AKR1C1: variants seen among roughly 807,000 people sequenced by gnomAD.
AKR1C1 encodes the protein 20 alpha-hydroxysteroid dehydrogenase.
Under a neutral mutation model 40.6 loss-of-function variants are expected in AKR1C1, and 32 were observed. The ratio of observed to expected loss-of-function variants is 0.79; its 90% confidence interval spans 0.60 to 1.06. The LOEUF is 1.06. AKR1C1 is among the 50% of genes least tolerant of loss of function. The pLI, the probability that AKR1C1 is intolerant of heterozygous loss-of-function variation, is 0.00. For synonymous variants in AKR1C1, 105 were observed against 134.2 expected (o/e 0.78, Z 1.50); for missense variants, 320 against 363.5 (o/e 0.88, Z 0.97).
intron 5 of AKR1C1, chr10:4,969,576 C>G: frequency 7.3e-7 from 1 of 1,366,398 alleles, no homozygotes; most frequent in Non-Finnish European, 1.0e-6. Flanking sequence ...ATGGAGCTGA[C>G]CTATGACTGC....
chr10:4,972,977 G>A (rs1340250620), intron 7 of AKR1C1, among the ~76,000 whole-genome samples: 1 of 152,300 alleles, frequency 6.6e-6, no homozygotes, highest in Admixed American at 6.5e-5. Flanking sequence ...TTAGCGTTAA[G>A]TCAGTGATAT....
At position 4,979,600 on chromosome 10, in the gene AKR1C1, T is replaced by C. The variant is rs533783268; in HGVS notation, c.*1858T>C. Reference sequence around the variant, plus strand: ...TAAGCAAACTTTCATATTTCAAATCTCTTTAGCAAGTGTAACTCTTTTTTC... The same window carrying C: ...TAAGCAAACTTTCATATTTCAAATCCCTTTAGCAAGTGTAACTCTTTTTTC... On this transcript the variant is annotated 3_prime_UTR_variant, in exon 9 of 9. Coordinates refer to ENST00000380872, the MANE Select transcript of AKR1C1 (RefSeq NM_001353.6). The C allele has an allele frequency of 1.7e-3, 266 of 152,316 alleles. 1 individual carries two copies. The highest frequency in any genetic ancestry group is 6.8e-3 in the Middle Eastern group (2 of 294). The allele number at this position is 152,316 out of a possible 1,614,324, so 9.4% of individuals were successfully genotyped here. A position where few individuals can be genotyped will look rare whatever the true frequency, so the allele number is the denominator to read the frequency against.
At chr10:4,969,314 A>T (rs1808672662) in intron 5 of AKR1C1, among the ~76,000 whole-genome samples, 1 of 152,236 alleles carries the variant, frequency 6.6e-6, no homozygotes, top group African/African-American at 2.4e-5. Context: ...AGCCGTGAAG[A>T]GATGGAATGA....
At position 4,965,946 on chromosome 10, in the gene AKR1C1, AT is replaced by A; in HGVS notation, c.119del (p.Leu40TrpfsTer35). 1 of 1,614,198 alleles carries A rather than the reference AT, an allele frequency of 6.2e-7. No individual in the cohort carries two copies. Among genetic ancestry groups the A allele is most frequent in the Non-Finnish European group, 8.5e-7 (1 of 1,180,020 alleles). ...AAAGTAAAGCTTTAGAGGCCACCAA[AT>A]TGGCAATTGAAGCTGGCTTCCGCCA... ...PKSKALEATK[L>X]AIEAGFRHID... On this transcript the variant is annotated frameshift_variant, in exon 2 of 9. Transcript: ENST00000380872. LOFTEE classifies it high-confidence loss of function.
chr10:4,981,690 G>C lies in AKR1C1; in HGVS notation c.*3948G>C, dbSNP rs1157552374. ...TTCTGAGGGGAGAGAGTTCACTCCAGAGCATACATCCCCACTGGGGATCTG... is the reference window on the plus strand; with the variant it reads ...TTCTGAGGGGAGAGAGTTCACTCCACAGCATACATCCCCACTGGGGATCTG... On this transcript the variant is annotated 3_prime_UTR_variant, in exon 9 of 9. Transcript: ENST00000380872. The C allele has an allele frequency of 1.3e-5, 2 of 152,252 alleles. No individual in the cohort carries two copies. Among genetic ancestry groups the C allele is most frequent in the East Asian group, 3.8e-4 (2 of 5,206 alleles). The allele number at this position is 152,252 out of a possible 1,614,324, so 9.4% of individuals were successfully genotyped here. A position where few individuals can be genotyped will look rare whatever the true frequency, so the allele number is the denominator to read the frequency against.
intron 3 of AKR1C1, chr10:4,967,643 T>C (rs574834257): frequency 1.4e-4 from 126 of 890,228 alleles, no homozygotes; most frequent in Non-Finnish European, 1.6e-4. Context: ...TTAGATATGA[T>C]AATGGGAAAT....
In AKR1C1 at chr10:4,972,262, T is replaced by C. The variant is rs1836441763; in HGVS notation, c.632T>C (p.Ile211Thr). 6 of 1,613,782 alleles carry C rather than the reference T, an allele frequency of 3.7e-6. No homozygotes were observed. Among genetic ancestry groups the C allele is most frequent in the Non-Finnish European group, 5.1e-6 (6 of 1,179,964 alleles). ...CTGGATTTCTGCAAGTCAAAAGACA[T>C]TGTTCTGGTTGCCTATAGTGCTCTG... ...KLLDFCKSKD[I>T]VLVAYSALGS... Residue 211 changes from isoleucine (I) to threonine (T), a missense_variant, in exon 6 of 9, where the codon ATT becomes ACT. Physicochemically the swap from Ile to Thr is moderately conservative, Grantham distance 89. Transcript: ENST00000380872.
At chr10:4,974,505 T>TATCACAATATATTACTGTG (rs1554770264) in intron 7 of AKR1C1, among the ~76,000 whole-genome samples, 1 of 152,098 alleles carries the variant, frequency 6.6e-6, no homozygotes, top group Non-Finnish European at 1.5e-5. Context: ...ATATTGGGAA[T>TATCACAATATATTACTGTG]ATCACAATAT....
Position 4,979,844 on chromosome 10 carries a change from G to T in AKR1C1, c.*2102G>T, listed in dbSNP as rs1836589990. ...TAATTTTCCTATTTTTTCTCTCAAA[G>T]AAATGCTGAAGGGAGGAATTCAGGT... is the stretch of plus-strand genomic sequence containing the variant. On this transcript the variant is annotated 3_prime_UTR_variant, in exon 9 of 9. Coordinates refer to ENST00000380872, the MANE Select transcript of AKR1C1 (RefSeq NM_001353.6). 1 of 151,226 alleles carries T rather than the reference G, an allele frequency of 6.6e-6. No homozygotes were observed. Among genetic ancestry groups the T allele is most frequent in the East Asian group, 1.9e-4 (1 of 5,144 alleles). The allele number at this position is 151,226 out of a possible 1,614,324, so 9.4% of individuals were successfully genotyped here. A position where few individuals can be genotyped will look rare whatever the true frequency, so the allele number is the denominator to read the frequency against.
At chr10:4,971,628 A>G (rs1410573941) in intron 5 of AKR1C1, among the ~76,000 whole-genome samples, 1 of 149,310 alleles carries the variant, frequency 6.7e-6, no homozygotes, top group Non-Finnish European at 1.5e-5. Context: ...TGAGATATCA[A>G]CATACAAATC....
intron 5 of AKR1C1, chr10:4,969,534 T>C: frequency 1.2e-6 from 1 of 803,204 alleles, no homozygotes. Context: ...TCACAGTGGA[T>C]GAAATCCACA....
At chr10:4,968,988 T>C in intron 5 of AKR1C1, 44 bp downstream of exon 5, 2 of 1,613,778 alleles carry the variant, frequency 1.2e-6, no homozygotes, top group Non-Finnish European at 1.7e-6. Context: ...TTCATGCCCC[T>C]CTTTCTGTCC....
chr10:4,982,476 A>T lies in AKR1C1; in HGVS notation c.*4734A>T, dbSNP rs1369183880. The T allele has an allele frequency of 6.5e-6, 1 of 154,242 alleles. No individual in the cohort carries two copies. The highest frequency in any genetic ancestry group is 2.4e-5 in the African/African-American group (1 of 40,972). The allele number at this position is 154,242 out of a possible 1,614,324, so 9.6% of individuals were successfully genotyped here. A position where few individuals can be genotyped will look rare whatever the true frequency, so the allele number is the denominator to read the frequency against. On this transcript the variant is annotated 3_prime_UTR_variant, in exon 9 of 9. Coordinates refer to ENST00000380872, the MANE Select transcript of AKR1C1 (RefSeq NM_001353.6). ...TCTTCTGTGCAGCAGAGGCAATTAAACTCTCCTCTGGAACATTACCCCAGC... is the reference window on the plus strand; with the variant it reads ...TCTTCTGTGCAGCAGAGGCAATTAATCTCTCCTCTGGAACATTACCCCAGC...
chr10:4,966,216 T>C (rs1836331529), intron 2 of AKR1C1, 135 bp downstream of exon 2: 29 of 1,437,822 alleles, frequency 2.0e-5, no homozygotes, highest in Non-Finnish European at 2.5e-5. Context: ...TACTCATGTA[T>C]TAAAACTAAT....
chr10:4,976,037 G>A (rs1339414734), intron 8 of AKR1C1, 104 bp downstream of exon 8: 3 of 216,250 alleles, frequency 1.4e-5, no homozygotes, highest in African/African-American at 8.9e-5. Context: ...GCCAACGTGA[G>A]ACAGAGGTGA....
Position 4,977,693 on chromosome 10 carries a change from T to C in AKR1C1, c.930-7T>C. On this transcript the variant is annotated splice_region_variant and splice_polypyrimidine_tract_variant and intron_variant, in intron 8 of 8. Transcript: ENST00000380872. ...TTCAGAGTGTGCATTTTTTTTTCTC[T>C]TTCCAGTTTTGCTGGCCCCCCTAAT... is the stretch of plus-strand genomic sequence containing the variant. The C allele has an allele frequency of 1.2e-6, 2 of 1,612,274 alleles. No homozygotes were observed.
At position 4,981,284 on chromosome 10, in the gene AKR1C1, T is replaced by G. The variant is rs1836610560; in HGVS notation, c.*3542T>G. ...ACCCTAGGATTGTTAGAATAGTAAA[T>G]GAACATCATATGTTGTAATATAGTT... On this transcript the variant is annotated 3_prime_UTR_variant, in exon 9 of 9. Coordinates refer to ENST00000380872, the MANE Select transcript of AKR1C1 (RefSeq NM_001353.6). 6.6e-6 allele frequency: 1 copy of G among 152,158 alleles called. No individual in the cohort carries two copies. Among genetic ancestry groups the G allele is most frequent in the Non-Finnish European group, 1.5e-5 (1 of 68,028 alleles). The allele number at this position is 152,158 out of a possible 1,614,324, so 9.4% of individuals were successfully genotyped here. A position where few individuals can be genotyped will look rare whatever the true frequency, so the allele number is the denominator to read the frequency against.
chr10:4,974,055 G>C (rs1427903261), intron 7 of AKR1C1, among the ~76,000 whole-genome samples: 3 of 151,276 alleles, frequency 2.0e-5, no homozygotes, highest in Non-Finnish European at 4.4e-5. Flanking sequence ...ATGATACAGA[G>C]AATGAGAAAG....
chr10:4,966,007 C>A lies in AKR1C1; in HGVS notation c.178C>A (p.Gln60Lys), dbSNP rs1406521481. The change falls in exon 2 of 9, where the codon CAG (glutamine) becomes AAG (lysine). Residue 60 changes from glutamine to lysine, a missense_variant. Around this residue, in one of 3 missense-constraint regions of AKR1C1, gnomAD observed 214 missense variants for 214.8 expected, o/e 1.00. Transcript: ENST00000380872. The stretch of plus-strand genomic sequence containing the variant: ...TGCTCATTTATACAATAATGAGGAG[C>A]AGGTTGGACTGGCCATCCGAAGCAA... ...DSAHLYNNEE[Q>K]VGLAIRSKIA... 3 of 1,614,198 alleles carry A rather than the reference C, an allele frequency of 1.9e-6. 1 individual carries two copies. The South Asian group carries it at 3.3e-5, about 18-fold the overall frequency.
Sources: allele counts gnomAD v4.1 joint callset (sites outside exome capture counted in the v4.1 genomes callset), GRCh38; gene constraint gnomAD v4.1.1; regional missense constraint gnomAD v4.1.1; transcripts MANE v1.5; gene names NCBI Gene and HGNC (gene_info 2026-07-23, HGNC 2026-07-21).